Variants in EEPD1 observed in about 807,000 individuals in gnomAD.
EEPD1 encodes endonuclease/exonuclease/phosphatase family domain containing 1.
A neutral mutation model predicts 46.3 loss-of-function variants in EEPD1; 17 were observed. The ratio of observed to expected loss-of-function variants is 0.37; its 90% confidence interval spans 0.25 to 0.55. The LOEUF (loss-of-function observed/expected upper bound fraction) is 0.55, where lower values mean the gene tolerates loss of function less well. Ranked by LOEUF, EEPD1 falls within the 20% of genes least tolerant of loss-of-function variation. The probability of loss-of-function intolerance (pLI) is 0.83; values close to 1 mark genes in which losing one functional copy is unlikely to be tolerated. For synonymous variants in EEPD1, 313 were observed against 315.6 expected, an observed-to-expected ratio of 0.99 and a Z score of 0.09; for missense variants, 673 against 745.6, an observed-to-expected ratio of 0.90 and a Z score of 1.13.
At chr7:36,236,077 A>G (rs1049291778) in intron 2 of EEPD1, among the ~76,000 whole-genome samples, 1 of 152,144 alleles carries the variant, frequency 6.6e-6, no homozygotes, top group Non-Finnish European at 1.5e-5. Flanking sequence ...GGCATGCACC[A>G]CCACACCAGG....
intron 3 of EEPD1, among the ~76,000 whole-genome samples, chr7:36,250,323 T>G (rs890827301): frequency 6.6e-6 from 1 of 152,204 alleles, no homozygotes; most frequent in African/African-American, 2.4e-5. Flanking sequence ...TAAGATCCAC[T>G]TGGCAGCTGT....
At chr7:36,243,069 C>A (rs1456374218) in intron 3 of EEPD1, among the ~76,000 whole-genome samples, 1 of 152,198 alleles carries the variant, frequency 6.6e-6, no homozygotes, top group Non-Finnish European at 1.5e-5. Flanking sequence ...AACTGCGCTA[C>A]TCGAAGTGTG....
intron 3 of EEPD1, among the ~76,000 whole-genome samples, chr7:36,264,458 C>T (rs915875092): frequency 2.6e-5 from 4 of 152,132 alleles, no homozygotes; most frequent in East Asian, 3.8e-4. Context: ...CACATCGTGG[C>T]GTGTGTGTAA....
At chr7:36,192,247 G>A (rs1054292258) in intron 2 of EEPD1, among the ~76,000 whole-genome samples, 1 of 152,220 alleles carries the variant, frequency 6.6e-6, no homozygotes, top group Non-Finnish European at 1.5e-5. Flanking sequence ...TCTGTATTGT[G>A]TAAAAACACA....
In EEPD1 at chr7:36,299,529, C is replaced by A; in HGVS notation, c.*323C>A. The A allele has an allele frequency of 2.8e-6, 1 of 356,348 alleles. No individual in the cohort carries two copies. Among genetic ancestry groups the A allele is most frequent in the East Asian group, 5.5e-5 (1 of 18,230 alleles). The allele number at this position is 356,348 out of a possible 1,614,324, so 22.1% of individuals were successfully genotyped here. A position where few individuals can be genotyped will look rare whatever the true frequency, so the allele number is the denominator to read the frequency against. ...GATGGCAGCACAAAGACAATATGAG[C>A]AGAGGGAGGAGAAGAAGGGGTGCTC... On this transcript the variant is annotated 3_prime_UTR_variant, in exon 8 of 8. Transcript: ENST00000242108.
At chr7:36,212,683 A>G (rs533370068) in intron 2 of EEPD1, among the ~76,000 whole-genome samples, 59 of 150,566 alleles carry the variant, frequency 3.9e-4, no homozygotes, top group Admixed American at 1.8e-3. Flanking sequence ...GTAACCATCT[A>G]CCGTATGTAT....
intron 2 of EEPD1, among the ~76,000 whole-genome samples, chr7:36,199,928 C>T (rs1464841809): frequency 6.6e-6 from 1 of 152,156 alleles, no homozygotes. Flanking sequence ...ATGCACGCTC[C>T]GTGGGACACC....
intron 2 of EEPD1, among the ~76,000 whole-genome samples, chr7:36,238,457 ACTACT>A (rs1317706669): frequency 6.6e-6 from 1 of 152,178 alleles, no homozygotes; most frequent in Non-Finnish European, 1.5e-5. Context: ...TGTGAATTTG[ACTACT>A]CTAAGATATC....
At chr7:36,170,431 G>T (rs1011191667) in intron 2 of EEPD1, among the ~76,000 whole-genome samples, 4 of 148,254 alleles carry the variant, frequency 2.7e-5, no homozygotes, top group Admixed American at 6.7e-5. Flanking sequence ...TATATATTTT[G>T]TATATATAAA....
At chr7:36,219,581 GAAGAAA>G in intron 2 of EEPD1, among the ~76,000 whole-genome samples, 1 of 141,652 alleles carries the variant, frequency 7.1e-6, no homozygotes, top group African/African-American at 2.7e-5. Context: ...GAGAAGGAAA[GAAGAAA>G]AGAAGAAGAA....
At chr7:36,293,407 A>G (rs1462361151) in intron 6 of EEPD1, among the ~76,000 whole-genome samples, 3 of 152,102 alleles carry the variant, frequency 2.0e-5, no homozygotes, top group East Asian at 1.9e-4. Context: ...TGGACATGCA[A>G]TCCCAGAGAG....
chr7:36,180,749 T>C (rs1036739096), intron 2 of EEPD1, among the ~76,000 whole-genome samples: 1 of 152,096 alleles, frequency 6.6e-6, no homozygotes, highest in African/African-American at 2.4e-5. Context: ...TCTGGACTGG[T>C]CGGGCTCCTT....
chr7:36,198,352 A>AAAAAAAGAAAAAAAAAG (rs1341633818), intron 2 of EEPD1, among the ~76,000 whole-genome samples: 3 of 145,022 alleles, frequency 2.1e-5, no homozygotes, highest in African/African-American at 7.6e-5. Context: ...GAAAAAAAAA[A>AAAAAAAGAAAAAAAAAG]AAAAAAGAAA....
chr7:36,297,005 T>G lies in EEPD1; in HGVS notation c.1328T>G (p.Val443Gly). The change falls in exon 7 of 8, where the codon GTC becomes GGC. Residue 443 changes from valine to glycine, a missense_variant. Val to Gly is a moderately radical substitution (Grantham distance 109, BLOSUM62 -3). Coordinates refer to ENST00000242108, the MANE Select transcript of EEPD1 (RefSeq NM_030636.3). The stretch of plus-strand genomic sequence containing the variant: ...CTTCCACTTCCAGGAGAAAAGGATG[T>G]CATTATCTTAGGGGATTTTGGCCAA... ...LQETLKGEKD[V>G]IILGDFGQGP... The G allele has an allele frequency of 6.2e-7, 1 of 1,614,080 alleles. No individual in the cohort carries two copies. The highest frequency in any genetic ancestry group is 8.5e-7 in the Non-Finnish European group (1 of 1,179,984).
intron 5 of EEPD1, among the ~76,000 whole-genome samples, chr7:36,285,978 G>A (rs971537270): frequency 6.6e-6 from 1 of 152,164 alleles, no homozygotes; most frequent in East Asian, 1.9e-4. Flanking sequence ...TCCATGGGTT[G>A]TATCTGTGGT....
chr7:36,186,742 C>T (rs547763844), intron 2 of EEPD1, among the ~76,000 whole-genome samples: 25 of 152,322 alleles, frequency 1.6e-4, no homozygotes, highest in Admixed American at 4.6e-4. Context: ...GAGGAGTACA[C>T]AGGGTCGTTG....
At chr7:36,171,699 T>C (rs1250690745) in intron 2 of EEPD1, among the ~76,000 whole-genome samples, 1 of 152,246 alleles carries the variant, frequency 6.6e-6, no homozygotes, top group Non-Finnish European at 1.5e-5. Context: ...CTTCTTCCAC[T>C]TTCACAGTGA....
At chr7:36,269,188 G>A (rs780736895) in intron 3 of EEPD1, among the ~76,000 whole-genome samples, 4 of 152,088 alleles carry the variant, frequency 2.6e-5, no homozygotes, top group Admixed American at 6.5e-5. Flanking sequence ...GACTTCACGC[G>A]CTCCTCAAGG....
At chr7:36,285,818 C>T (rs1375739993) in intron 5 of EEPD1, among the ~76,000 whole-genome samples, 2 of 152,210 alleles carry the variant, frequency 1.3e-5, no homozygotes, top group Non-Finnish European at 2.9e-5. Flanking sequence ...TGTGTTGAGG[C>T]TACAAGGCCC....
Sources: allele counts gnomAD v4.1 joint callset (sites outside exome capture counted in the v4.1 genomes callset), GRCh38; gene constraint gnomAD v4.1.1; transcripts MANE v1.5; gene names NCBI Gene and HGNC (gene_info 2026-07-23, HGNC 2026-07-21).